KCNQ5: variants seen among roughly 807,000 people sequenced by gnomAD.
The protein encoded by KCNQ5 is potassium voltage-gated channel subfamily KQT member 5.
A neutral mutation model predicts 98.2 loss-of-function variants in KCNQ5; 30 were observed. The observed-to-expected ratio is 0.31, with a 90% CI of 0.23 to 0.41. The LOEUF (loss-of-function observed/expected upper bound fraction) is 0.41, where lower values mean the gene tolerates loss of function less well. KCNQ5 is among the 10% of genes least tolerant of loss of function. The probability of loss-of-function intolerance (pLI) is 1.00; values close to 1 mark genes in which losing one functional copy is unlikely to be tolerated. For synonymous variants in KCNQ5, 458 were observed against 449.4 expected (o/e 1.02, Z -0.24); for missense variants, 835 against 1,182.5 (o/e 0.71, Z 4.31).
intron 1 of KCNQ5, among the ~76,000 whole-genome samples, chr6:72,860,681 A>AT (rs1487175572): frequency 8.6e-5 from 13 of 152,038 alleles, no homozygotes; most frequent in Admixed American, 8.5e-4. Context: ...AATAGTATCT[A>AT]TTTTCCTTGT....
intron 3 of KCNQ5, among the ~76,000 whole-genome samples, chr6:73,075,498 A>G (rs7752205): frequency 0.95 from 144,513 of 152,282 alleles, 68,572 homozygotes; most frequent in South Asian, 0.97. Flanking sequence ...TGGGATTACA[A>G]GTGTGAGCCA....
At chr6:73,194,036 C>T (rs1465741294) in intron 13 of KCNQ5, among the ~76,000 whole-genome samples, 1 of 152,048 alleles carries the variant, frequency 6.6e-6, no homozygotes, top group Non-Finnish European at 1.5e-5. Flanking sequence ...GACGAGGTCT[C>T]ACCATGTTGC....
At chr6:72,695,639 A>T (rs1768451806) in intron 1 of KCNQ5, among the ~76,000 whole-genome samples, 1 of 152,166 alleles carries the variant, frequency 6.6e-6, no homozygotes, top group Admixed American at 6.5e-5. Context: ...ATATAATATT[A>T]CGTATATTGG....
At chr6:72,703,941 C>T (rs1582141141) in intron 1 of KCNQ5, among the ~76,000 whole-genome samples, 1 of 152,122 alleles carries the variant, frequency 6.6e-6, no homozygotes, top group South Asian at 2.1e-4. Flanking sequence ...CTTGTGGCTG[C>T]TTTTAAATAC....
intron 11 of KCNQ5, among the ~76,000 whole-genome samples, chr6:73,173,314 T>C (rs1032129160): frequency 6.6e-6 from 1 of 152,218 alleles, no homozygotes; most frequent in African/African-American, 2.4e-5. Flanking sequence ...GTTCAAACAA[T>C]GTTAAGTTTC....
At chr6:72,702,264 G>A (rs1489870179) in intron 1 of KCNQ5, among the ~76,000 whole-genome samples, 1 of 152,150 alleles carries the variant, frequency 6.6e-6, no homozygotes, top group Non-Finnish European at 1.5e-5. Context: ...TGAGTGTGAG[G>A]TTGAGCAAAG....
chr6:72,946,234 C>G (rs1766541307), intron 1 of KCNQ5, among the ~76,000 whole-genome samples: 1 of 152,146 alleles, frequency 6.6e-6, no homozygotes, highest in Non-Finnish European at 1.5e-5. Flanking sequence ...CATCAAAAAA[C>G]TATCACAACA....
intron 1 of KCNQ5, among the ~76,000 whole-genome samples, chr6:72,918,884 A>G (rs945157177): frequency 6.6e-6 from 1 of 152,332 alleles, no homozygotes; most frequent in Non-Finnish European, 1.5e-5. Context: ...CCAGATTTAC[A>G]AAGACTAGAG....
intron 1 of KCNQ5, among the ~76,000 whole-genome samples, chr6:72,849,840 T>C (rs58571865): frequency 0.17 from 25,739 of 152,102 alleles, 3,153 homozygotes; most frequent in African/African-American, 0.35. Flanking sequence ...TTTCTCTCTC[T>C]ACTCAGTGGT....
chr6:72,866,245 C>T (rs892622774), intron 1 of KCNQ5, among the ~76,000 whole-genome samples: 4 of 147,824 alleles, frequency 2.7e-5, no homozygotes, highest in Non-Finnish European at 5.9e-5. Context: ...TTTCCTCCGC[C>T]ATCTCCCTTT....
chr6:72,811,848 G>A (rs1446013986), intron 1 of KCNQ5, among the ~76,000 whole-genome samples: 2 of 152,172 alleles, frequency 1.3e-5, no homozygotes, highest in Non-Finnish European at 2.9e-5. Flanking sequence ...ATAAACAAAA[G>A]AATGGCTACT....
chr6:72,803,764 C>T (rs1410534832), intron 1 of KCNQ5, among the ~76,000 whole-genome samples: 1 of 152,104 alleles, frequency 6.6e-6, no homozygotes, highest in Non-Finnish European at 1.5e-5. Context: ...TCATGATCTT[C>T]CTCATCTTTT....
intron 1 of KCNQ5, among the ~76,000 whole-genome samples, chr6:72,749,729 A>AT (rs1771582694): frequency 5.4e-5 from 3 of 55,710 alleles, no homozygotes; most frequent in Admixed American, 5.1e-4. Flanking sequence ...AACATTTAAA[A>AT]AAATATATTT....
At chr6:72,793,222 T>C (rs1270251516) in intron 1 of KCNQ5, among the ~76,000 whole-genome samples, 1 of 152,220 alleles carries the variant, frequency 6.6e-6, no homozygotes, top group Non-Finnish European at 1.5e-5. Flanking sequence ...ACAATCTTAA[T>C]ACTCACTGAA....
chr6:73,141,362 C>G (rs913734626), intron 10 of KCNQ5, among the ~76,000 whole-genome samples: 5 of 152,182 alleles, frequency 3.3e-5, no homozygotes, highest in Admixed American at 2.0e-4. Context: ...AACATTCAGA[C>G]CATAACAGGT....
intron 1 of KCNQ5, among the ~76,000 whole-genome samples, chr6:72,685,038 C>G (rs1767884077): frequency 6.6e-6 from 1 of 152,002 alleles, no homozygotes; most frequent in South Asian, 2.1e-4. Flanking sequence ...ACAAAACAAG[C>G]ACAAATAAGC....
In KCNQ5 at chr6:72,968,548, A is replaced by G. The variant is rs1003765163; in HGVS notation, c.399-35360A>G. ...ATTTGAAAGAGGAAGGCAAAGGTGT[A>G]GACAATGATTATTAGGGACTTTGAC... On this transcript the variant is annotated intron_variant, in intron 1 of 13. Transcript: ENST00000370398. Among the ~76,000 whole-genome samples the G allele has an allele frequency of 1.6e-4, 24 of 152,166 alleles. 2 individuals are homozygous for G. Among genetic ancestry groups the G allele is most frequent in the Non-Finnish European group, 1.5e-5 (1 of 68,028 alleles).
At chr6:72,842,861 A>T (rs1776859004) in intron 1 of KCNQ5, among the ~76,000 whole-genome samples, 1 of 151,982 alleles carries the variant, frequency 6.6e-6, no homozygotes, top group Non-Finnish European at 1.5e-5. Context: ...AATTTGTTTA[A>T]GTTATTTGTA....
chr6:72,777,725 T>A (rs1015532280), intron 1 of KCNQ5, among the ~76,000 whole-genome samples: 1 of 152,190 alleles, frequency 6.6e-6, no homozygotes, highest in Non-Finnish European at 1.5e-5. Flanking sequence ...AGAGCCAAGA[T>A]AATTTGCTTC....
Sources: gnomAD v4.1 joint callset for allele counts (sites outside exome capture counted in the v4.1 genomes callset) on GRCh38, gnomAD v4.1.1 for gene constraint, MANE v1.5 for transcripts, NCBI Gene and HGNC (gene_info 2026-07-23, HGNC 2026-07-21) for gene names.